Variants in SNRPD3 observed in about 807,000 individuals in gnomAD.
The protein encoded by SNRPD3 is small nuclear ribonucleoprotein D3 polypeptide.
For synonymous variants in SNRPD3, 66 were observed against 58.4 expected (o/e 1.13, Z -0.59); for missense variants, 73 against 167.5 (o/e 0.44, Z 3.11).
chr22:24,555,912 AC>A (rs2045052033), upstream of SNRPD3: 1 of 1,367,664 alleles, frequency 7.3e-7, no homozygotes. Flanking sequence ...CGGAGGCGAG[AC>A]CGCGCTCAAC....
chr22:24,563,913 C>G (rs1317990311), intron 2 of SNRPD3, among the ~76,000 whole-genome samples: 1 of 152,114 alleles, frequency 6.6e-6, no homozygotes. Context: ...TTGCCCATAA[C>G]TATTGCTAGG....
intron 3 of SNRPD3, among the ~76,000 whole-genome samples, chr22:24,569,871 G>C (rs1012618486): frequency 6.6e-6 from 1 of 152,254 alleles, no homozygotes; most frequent in Admixed American, 6.5e-5. Flanking sequence ...AGGGTCGCAA[G>C]CACAAGAGCT....
intron 2 of SNRPD3, among the ~76,000 whole-genome samples, chr22:24,563,308 T>A (rs78040471): frequency 0.15 from 18,496 of 124,780 alleles, 1,225 homozygotes; most frequent in South Asian, 0.23. Flanking sequence ...ATATATATAT[T>A]TTTTTTTTTA....
At chr22:24,555,889 A>C, upstream of SNRPD3, 2 of 1,504,450 alleles carry the variant, frequency 1.3e-6, no homozygotes, top group Non-Finnish European at 1.8e-6. Context: ...CGGCAGGCGG[A>C]GTGAGGAGGA....
At chr22:24,565,514 C>T (rs2045188819) in intron 2 of SNRPD3, among the ~76,000 whole-genome samples, 1 of 152,158 alleles carries the variant, frequency 6.6e-6, no homozygotes, top group South Asian at 2.1e-4. Flanking sequence ...GGAACGGAGG[C>T]TCAGGGAAGC....
At chr22:24,564,181 G>A (rs1463937429) in intron 2 of SNRPD3, among the ~76,000 whole-genome samples, 1 of 152,132 alleles carries the variant, frequency 6.6e-6, no homozygotes, top group Non-Finnish European at 1.5e-5. Flanking sequence ...GTGTATGTGT[G>A]AAATTGTCCT....
chr22:24,568,244 T>G, intron 3 of SNRPD3, 68 bp downstream of exon 3: 1 of 1,234,798 alleles, frequency 8.1e-7, no homozygotes, highest in Non-Finnish European at 1.2e-6. Flanking sequence ...AGGGGCCCTA[T>G]TACTGCCTGG....
intron 2 of SNRPD3, among the ~76,000 whole-genome samples, chr22:24,567,359 C>T (rs1276590841): frequency 7.9e-5 from 12 of 152,232 alleles, no homozygotes; most frequent in Non-Finnish European, 5.9e-5. Context: ...ACAGCCAGGG[C>T]TCTGAAGCTA....
At chr22:24,570,388 T>C (rs998933169) in intron 3 of SNRPD3, among the ~76,000 whole-genome samples, 1 of 152,154 alleles carries the variant, frequency 6.6e-6, no homozygotes, top group Admixed American at 6.6e-5. Flanking sequence ...AGTTTAAAGA[T>C]GTAATAGTGT....
chr22:24,568,511 TTTTATTTTTAA>T (rs1174393603), intron 3 of SNRPD3, among the ~76,000 whole-genome samples: 1 of 151,744 alleles, frequency 6.6e-6, no homozygotes, highest in Admixed American at 6.6e-5. Flanking sequence ...TAGCTAATTT[TTTTATTTTTAA>T]TTTATTTTTA....
chr22:24,561,064 CTTTTTTTTTT>C (rs1164120857), intron 2 of SNRPD3, among the ~76,000 whole-genome samples: 5 of 61,690 alleles, frequency 8.1e-5, no homozygotes, highest in South Asian at 7.4e-4. Context: ...TTTTTCTTTT[CTTTTTTTTTT>C]TTTTTTTTTT....
chr22:24,560,090 A>ATTTTTTT (rs71189257), intron 2 of SNRPD3, among the ~76,000 whole-genome samples: 11,170 of 89,050 alleles, frequency 0.13, 1,447 homozygotes, highest in South Asian at 0.19. Flanking sequence ...TTTATAAAGA[A>ATTTTTTT]TTTTTTTTTT....
At chr22:24,561,309 A>G (rs2045141263) in intron 2 of SNRPD3, among the ~76,000 whole-genome samples, 2 of 151,790 alleles carry the variant, frequency 1.3e-5, no homozygotes, top group Admixed American at 1.3e-4. Context: ...CCTGGCCACA[A>G]GTGATCCTGC....
chr22:24,566,927 T>G (rs976233002), intron 2 of SNRPD3, among the ~76,000 whole-genome samples: 1 of 152,218 alleles, frequency 6.6e-6, no homozygotes, highest in Admixed American at 6.5e-5. Flanking sequence ...ATCTTTCCTC[T>G]ATCGACAAAC....
intron 3 of SNRPD3, among the ~76,000 whole-genome samples, chr22:24,570,328 A>C (rs1218935981): frequency 6.6e-6 from 1 of 152,240 alleles, no homozygotes; most frequent in Non-Finnish European, 1.5e-5. Context: ...ACAAAAGACT[A>C]TAACAAGGAC....
intron 2 of SNRPD3, among the ~76,000 whole-genome samples, chr22:24,563,655 CA>C (rs772248172): frequency 2.6e-5 from 4 of 152,170 alleles, no homozygotes; most frequent in Non-Finnish European, 5.9e-5. Context: ...TCACTACATT[CA>C]AAATGACTTA....
intron 1 of SNRPD3, 133 bp from the exon 2 acceptor site, chr22:24,557,524 C>G: frequency 1.5e-5 from 6 of 402,500 alleles, no homozygotes; most frequent in Non-Finnish European, 1.7e-5. Flanking sequence ...TTTTTTTTTT[C>G]CTTGGTAGAA....
intron 3 of SNRPD3, among the ~76,000 whole-genome samples, chr22:24,570,810 T>C (rs1182004789): frequency 7.1e-6 from 1 of 140,720 alleles, no homozygotes; most frequent in Admixed American, 7.9e-5. Context: ...TACTATGAAA[T>C]AATTCTTTTT....
At chr22:24,571,464 C>T (rs571879770) in intron 3 of SNRPD3, among the ~76,000 whole-genome samples, 3 of 152,226 alleles carry the variant, frequency 2.0e-5, no homozygotes, top group South Asian at 2.1e-4. Context: ...GTCAGCTGGA[C>T]GTGTTGGCTT....
Sources: gnomAD v4.1 joint callset for allele counts (sites outside exome capture counted in the v4.1 genomes callset) on GRCh38, gnomAD v4.1.1 for gene constraint, MANE v1.5 for transcripts, NCBI Gene and HGNC (gene_info 2026-07-23, HGNC 2026-07-21) for gene names.